XYLT1: variants seen among roughly 807,000 people sequenced by gnomAD.
XYLT1 encodes the protein xylosyltransferase 1, also known as beta-D-xylosyltransferase 1.
Under a neutral mutation model 91.3 loss-of-function variants are expected in XYLT1, and 36 were observed. The ratio of observed to expected loss-of-function variants is 0.39; its 90% CI spans 0.30 to 0.52. The LOEUF is 0.52. XYLT1 is among the 20% of genes least tolerant of loss of function. The probability of loss-of-function intolerance (pLI) is 0.68; values close to 1 mark genes in which losing one functional copy is unlikely to be tolerated. For synonymous variants in XYLT1, 588 were observed against 532.0 expected, an observed-to-expected ratio of 1.11 and a Z score of -1.45; for missense variants, 1,242 against 1,284.5, an observed-to-expected ratio of 0.97 and a Z score of 0.51.
chr16:17,187,965 C>G (rs148929132), intron 5 of XYLT1, among the ~76,000 whole-genome samples: 68 of 152,250 alleles, frequency 4.5e-4, no homozygotes, highest in Middle Eastern at 3.4e-3. Context: ...CTGTTCTCTG[C>G]TCCAGCTCCT....
chr16:17,155,869 G>C (rs1037536529), intron 6 of XYLT1, among the ~76,000 whole-genome samples: 2 of 152,024 alleles, frequency 1.3e-5, no homozygotes, highest in African/African-American at 4.8e-5. Flanking sequence ...TGTCAATTAC[G>C]GATGCACATC....
intron 11 of XYLT1, among the ~76,000 whole-genome samples, chr16:17,112,038 G>A (rs936353013): frequency 2.0e-5 from 3 of 152,122 alleles, no homozygotes; most frequent in East Asian, 1.9e-4. Flanking sequence ...AGGAGATACC[G>A]AAACTGACAA....
intron 5 of XYLT1, among the ~76,000 whole-genome samples, chr16:17,172,314 T>C (rs1165373224): frequency 6.6e-6 from 1 of 152,092 alleles, no homozygotes; most frequent in Non-Finnish European, 1.5e-5. Context: ...ACTTGAAGTT[T>C]TCTGAATGTT....
chr16:17,241,743 T>C (rs1488226336), intron 3 of XYLT1, among the ~76,000 whole-genome samples: 2 of 152,144 alleles, frequency 1.3e-5, no homozygotes, highest in African/African-American at 4.8e-5. Context: ...GGGGATACAG[T>C]GTGGGGAAGA....
At chr16:17,135,726 G>T (rs2030692967) in intron 8 of XYLT1, among the ~76,000 whole-genome samples, 2 of 152,196 alleles carry the variant, frequency 1.3e-5, no homozygotes, top group Non-Finnish European at 2.9e-5. Context: ...AGGGTCCAGG[G>T]TTAAAGAAAT....
chr16:17,379,411 T>A (rs1596513737), intron 1 of XYLT1, among the ~76,000 whole-genome samples: 1 of 152,220 alleles, frequency 6.6e-6, no homozygotes, highest in Non-Finnish European at 1.5e-5. Flanking sequence ...GGAAAACCTC[T>A]GTGAGGCCAG....
chr16:17,311,984 G>C (rs1204794110), intron 2 of XYLT1, among the ~76,000 whole-genome samples: 1 of 152,140 alleles, frequency 6.6e-6, no homozygotes, highest in African/African-American at 2.4e-5. Context: ...CATGGAGGGA[G>C]GGAATTATAG....
chr16:17,213,400 C>T (rs955430233), intron 3 of XYLT1, among the ~76,000 whole-genome samples: 5 of 152,116 alleles, frequency 3.3e-5, no homozygotes, highest in Non-Finnish European at 5.9e-5. Flanking sequence ...GGAGAATGAA[C>T]CAATACAAGA....
chr16:17,346,796 T>C (rs1232283722), intron 2 of XYLT1, among the ~76,000 whole-genome samples: 2 of 152,166 alleles, frequency 1.3e-5, no homozygotes, highest in Non-Finnish European at 2.9e-5. Context: ...TTGAGCTGGC[T>C]GGGTTTTTCC....
At chr16:17,219,054 G>C (rs2032912428) in intron 3 of XYLT1, among the ~76,000 whole-genome samples, 1 of 151,928 alleles carries the variant, frequency 6.6e-6, no homozygotes, top group African/African-American at 2.4e-5. Context: ...GGCCAAGGTG[G>C]GTGGATCACC....
chr16:17,205,113 G>A (rs999256535), intron 3 of XYLT1, among the ~76,000 whole-genome samples: 1 of 152,210 alleles, frequency 6.6e-6, no homozygotes, highest in African/African-American at 2.4e-5. Flanking sequence ...GGTTTATCGA[G>A]AGAGAATATC....
intron 3 of XYLT1, among the ~76,000 whole-genome samples, chr16:17,210,851 G>C (rs1365696452): frequency 1.3e-5 from 2 of 152,112 alleles, no homozygotes; most frequent in Non-Finnish European, 2.9e-5. Flanking sequence ...AAACTCTCAG[G>C]TCAATGCAAA....
chr16:17,217,838 A>C (rs2032888350), intron 3 of XYLT1, among the ~76,000 whole-genome samples: 1 of 152,128 alleles, frequency 6.6e-6, no homozygotes, highest in Non-Finnish European at 1.5e-5. Context: ...AGCCACGGTG[A>C]AGCTGAGCTG....
At chr16:17,435,137 G>A (rs979441547) in intron 1 of XYLT1, among the ~76,000 whole-genome samples, 54 of 152,208 alleles carry the variant, frequency 3.5e-4, no homozygotes, top group Non-Finnish European at 7.5e-4. Flanking sequence ...CAGGTCCGGC[G>A]TGGCACGCAC....
chr16:17,375,641 T>C (rs1049219338), intron 1 of XYLT1, among the ~76,000 whole-genome samples: 1 of 152,198 alleles, frequency 6.6e-6, no homozygotes, highest in African/African-American at 2.4e-5. Context: ...TCAGATTTGA[T>C]AAGGCTGGTC....
chr16:17,218,293 A>G (rs1026434743), intron 3 of XYLT1, among the ~76,000 whole-genome samples: 1 of 151,954 alleles, frequency 6.6e-6, no homozygotes, highest in Non-Finnish European at 1.5e-5. Context: ...AAACAACAAC[A>G]ACAAGAACAA....
At chr16:17,123,739 T>C (rs1019135398) in intron 10 of XYLT1, among the ~76,000 whole-genome samples, 1 of 152,186 alleles carries the variant, frequency 6.6e-6, no homozygotes, top group Admixed American at 6.5e-5. Context: ...TGACTTTCTG[T>C]CTTGATGAAC....
At chr16:17,169,661 T>C (rs1004294857) in intron 5 of XYLT1, among the ~76,000 whole-genome samples, 2 of 133,326 alleles carry the variant, frequency 1.5e-5, no homozygotes, top group Non-Finnish European at 3.2e-5. Flanking sequence ...GCTTGGTGGG[T>C]TGGGGGGCGG....
At position 17,198,196 on chromosome 16, in the gene XYLT1, C is replaced by T. The variant is rs1597185533; in HGVS notation, c.1289+16G>A. On this transcript the variant is annotated intron_variant, in intron 5 of 11. Transcript: ENST00000261381. ...GACGTCAGACAAGACTGGCTTGGGG[C>T]CCTTGGCTGCCTTACCTGATGGGGT... 1 of 1,613,484 alleles carries T rather than the reference C, an allele frequency of 6.2e-7. No homozygotes were observed. Among genetic ancestry groups the T allele is most frequent in the Non-Finnish European group, 8.5e-7 (1 of 1,179,792 alleles).
Sources: allele counts gnomAD v4.1 joint callset (sites outside exome capture counted in the v4.1 genomes callset), GRCh38; gene constraint gnomAD v4.1.1; transcripts MANE v1.5; gene names NCBI Gene and HGNC (gene_info 2026-07-23, HGNC 2026-07-21).